CHN2: variants seen among roughly 807,000 people sequenced by gnomAD.
CHN2 encodes the protein chimerin 2.
Under a neutral mutation model 56.3 loss-of-function variants are expected in CHN2, and 35 were observed. The observed-to-expected ratio is 0.62, with a 90% CI of 0.47 to 0.82. The LOEUF (loss-of-function observed/expected upper bound fraction) is 0.82. Ranked by LOEUF, CHN2 falls within the 40% of genes least tolerant of loss-of-function variation. The pLI is 0.00. For synonymous variants in CHN2, 210 were observed against 212.8 expected, an observed-to-expected ratio of 0.99 and a Z score of 0.12; for missense variants, 491 against 580.5, an observed-to-expected ratio of 0.85 and a Z score of 1.58.
intron 2 of CHN2, among the ~76,000 whole-genome samples, chr7:29,356,203 T>C (rs981662658): frequency 6.6e-6 from 1 of 152,160 alleles, no homozygotes; most frequent in Admixed American, 6.6e-5. Flanking sequence ...ACCCACAGCC[T>C]GCACGTGTCC....
At chr7:29,267,818 A>G (rs73684644) in intron 1 of CHN2, among the ~76,000 whole-genome samples, 8,060 of 152,206 alleles carry the variant, frequency 0.053, 713 homozygotes, top group African/African-American at 0.18. Context: ...TTCTGTGTAC[A>G]TGAGCTAGGA....
chr7:29,263,433 C>T (rs1789748508), intron 1 of CHN2, among the ~76,000 whole-genome samples: 2 of 152,204 alleles, frequency 1.3e-5, no homozygotes, highest in Non-Finnish European at 2.9e-5. Context: ...AGATTGCAGC[C>T]TCTGCCCGGC....
chr7:29,367,580 C>T (rs1392927194), intron 2 of CHN2, among the ~76,000 whole-genome samples: 1 of 152,142 alleles, frequency 6.6e-6, no homozygotes, highest in Non-Finnish European at 1.5e-5. Flanking sequence ...TATGATCTTA[C>T]TACTCAGGTA....
chr7:29,431,683 A>G (rs1324878690), intron 6 of CHN2, among the ~76,000 whole-genome samples: 2 of 152,168 alleles, frequency 1.3e-5, no homozygotes, highest in South Asian at 2.1e-4. Context: ...TGAATGGGGC[A>G]GGGGTAGTCA....
chr7:29,289,643 G>T (rs189346766), intron 1 of CHN2, among the ~76,000 whole-genome samples: 2 of 152,154 alleles, frequency 1.3e-5, no homozygotes, highest in South Asian at 4.2e-4. Flanking sequence ...GGTAGATGTG[G>T]GGGATGGGGA....
Position 29,278,039 on chromosome 7 carries a change from T to C in CHN2, c.50-76586T>C, listed in dbSNP as rs556035563. Among the ~76,000 whole-genome samples, 7 of 152,310 alleles carry C rather than the reference T, an allele frequency of 4.6e-5. No individual in the cohort carries two copies. The East Asian group carries it at 1.3e-3, about 29-fold the overall frequency. ...GTAGAGTGAAGATGCAGATCAGGCC[T>C]GTGTTTCCCCAGAGCCCAAGTGCTG... On this transcript the variant is annotated intron_variant, in intron 1 of 12. Transcript: ENST00000222792.
At chr7:29,306,197 T>C (rs1046665946) in intron 1 of CHN2, among the ~76,000 whole-genome samples, 7 of 152,200 alleles carry the variant, frequency 4.6e-5, no homozygotes, top group African/African-American at 1.7e-4. Flanking sequence ...TGTAAGTCAA[T>C]AAATCTTTGG....
intron 3 of CHN2, among the ~76,000 whole-genome samples, chr7:29,387,662 G>A (rs566944641): frequency 6.6e-5 from 10 of 152,324 alleles, no homozygotes; most frequent in Admixed American, 1.3e-4. Context: ...GAAAGACAAA[G>A]GGTGGGCTTC....
At chr7:29,416,784 G>GTATGTA (rs10604042) in intron 6 of CHN2, among the ~76,000 whole-genome samples, 3 of 149,796 alleles carry the variant, frequency 2.0e-5, no homozygotes, top group East Asian at 1.9e-4. Flanking sequence ...GTGTATATGT[G>GTATGTA]TATGTATATG....
chr7:29,236,552 C>G (rs989392043), intron 1 of CHN2, among the ~76,000 whole-genome samples: 2 of 152,180 alleles, frequency 1.3e-5, no homozygotes, highest in Non-Finnish European at 2.9e-5. Flanking sequence ...TTAGCCTGGA[C>G]CCTAGAAGAC....
chr7:29,226,673 A>G (rs1584793055), intron 1 of CHN2, among the ~76,000 whole-genome samples: 1 of 152,370 alleles, frequency 6.6e-6, no homozygotes, highest in South Asian at 2.1e-4. Context: ...TCAAATTTAT[A>G]TCAATTTGCC....
chr7:29,482,024 T>C lies in CHN2; in HGVS notation c.654+1668T>C, dbSNP rs1787306639. Among the ~76,000 whole-genome samples the C allele has an allele frequency of 3.3e-5, 5 of 152,310 alleles. No individual in the cohort carries two copies. The South Asian group carries it at 1.0e-3, about 32-fold the overall frequency. Reference sequence around the variant, plus strand: ...GTTAGATCCCTGAATGGAAAATTAATCTTAAGACATTTTAAAACTAAAAGA... The same window carrying C: ...GTTAGATCCCTGAATGGAAAATTAACCTTAAGACATTTTAAAACTAAAAGA... On this transcript the variant is annotated intron_variant, in intron 7 of 12. Coordinates refer to ENST00000222792, the MANE Select transcript of CHN2 (RefSeq NM_004067.4).
intron 6 of CHN2, among the ~76,000 whole-genome samples, chr7:29,423,848 GGCTGGTTTGTAGTCCAT>G (rs1223054348): frequency 1.3e-5 from 2 of 152,174 alleles, no homozygotes; most frequent in African/African-American, 2.4e-5. Context: ...CCTGGTCGCA[GGCTGGTTTGTAGTCCAT>G]GCCCCATTTG....
At chr7:29,409,228 G>A (rs868553159) in intron 6 of CHN2, among the ~76,000 whole-genome samples, 6 of 151,954 alleles carry the variant, frequency 3.9e-5, no homozygotes, top group Non-Finnish European at 7.4e-5. Context: ...CAAACTTCTC[G>A]GCCTCAGGAC....
chr7:29,499,318 T>C (rs1207172401), intron 8 of CHN2, among the ~76,000 whole-genome samples: 9 of 152,132 alleles, frequency 5.9e-5, no homozygotes, highest in African/African-American at 2.2e-4. Context: ...CTACCCAAAC[T>C]GCCCAAGGAG....
intron 2 of CHN2, among the ~76,000 whole-genome samples, chr7:29,367,723 C>G (rs1272241309): frequency 1.3e-5 from 2 of 152,062 alleles, no homozygotes; most frequent in Admixed American, 6.5e-5. Context: ...ATAAAAAAAT[C>G]AATTTTGCAA....
chr7:29,312,648 A>G (rs893388911), intron 1 of CHN2, among the ~76,000 whole-genome samples: 1 of 152,114 alleles, frequency 6.6e-6, no homozygotes, highest in African/African-American at 2.4e-5. Flanking sequence ...GTTCTTCAAC[A>G]TGTTGCTTAC....
At chr7:29,336,678 A>G (rs1034701068) in intron 1 of CHN2, among the ~76,000 whole-genome samples, 2 of 145,794 alleles carry the variant, frequency 1.4e-5, no homozygotes, top group African/African-American at 2.5e-5. Context: ...AAGGATCTCT[A>G]TAGCCCAGGA....
chr7:29,206,999 G>A (rs1230989130), intron 1 of CHN2, among the ~76,000 whole-genome samples: 1 of 152,184 alleles, frequency 6.6e-6, no homozygotes, highest in Non-Finnish European at 1.5e-5. Context: ...TTGTGGTAAC[G>A]AAATTGTTCT....
Sources: allele counts gnomAD v4.1 joint callset (sites outside exome capture counted in the v4.1 genomes callset), GRCh38; gene constraint gnomAD v4.1.1; transcripts MANE v1.5; gene names NCBI Gene and HGNC (gene_info 2026-07-23, HGNC 2026-07-21).